Variants in PC observed in about 807,000 individuals in gnomAD.
The protein encoded by PC is pyruvate carboxylase.
Under a neutral mutation model 107.8 loss-of-function variants are expected in PC, and 46 were observed. That is an observed-to-expected ratio of 0.43 (90% CI 0.34 to 0.55). PC has a LOEUF of 0.55. Ranked by LOEUF, PC falls within the 20% of genes least tolerant of loss-of-function variation. PC has a pLI of 0.04. For synonymous variants in PC, 662 were observed against 684.7 expected, an observed-to-expected ratio of 0.97 and a Z score of 0.52; for missense variants, 1,241 against 1,643.1, an observed-to-expected ratio of 0.76 and a Z score of 4.23.
In PC at chr11:66,953,774, T is replaced by C. The variant is rs191107859; in HGVS notation, c.-40+475A>G. On this transcript the variant is annotated intron_variant, in intron 2 of 22. Transcript: ENST00000393960. Reference sequence around the variant, plus strand: ...AGGGGCTGGTTAAAAGAAGCAAAAATGGGATGGCACGTGAGAGGGACTCCA... The same window carrying C: ...AGGGGCTGGTTAAAAGAAGCAAAAACGGGATGGCACGTGAGAGGGACTCCA... 2.7e-4 allele frequency among the ~76,000 whole-genome samples: 41 copies of C among 152,186 alleles called. No homozygotes were observed. In the South Asian group the frequency reaches 4.6e-3, roughly 17 times the overall value.
chr11:66,928,612 G>A (rs1463887105), intron 3 of PC, among the ~76,000 whole-genome samples: 8 of 151,940 alleles, frequency 5.3e-5, no homozygotes, highest in Admixed American at 2.6e-4. Context: ...TGCAACCTCC[G>A]CCTCCCAGGT....
In PC at chr11:66,870,776, C is replaced by T; in HGVS notation, c.750G>A (p.Leu250=). The part of the protein sequence containing the change: ...EKPRHIEVQI[L]GDQYGNILHL... ...AGGCGGGGCGTCAGGACCACTCACC[C>T]AAGATCTGCACCTCGATGTGCCGTG... Residue 250 remains leucine, a splice_region_variant and synonymous_variant, in exon 8 of 23, where the codon TTG becomes TTA. Coordinates refer to ENST00000393960, the MANE Select transcript of PC (RefSeq NM_001040716.2). This position sits in a 1 kb window ranked among gnomAD's most constrained non-coding sequence, Gnocchi z 6.1. 6.2e-7 allele frequency: 1 copy of T among 1,612,184 alleles called. No individual in the cohort carries two copies. Among genetic ancestry groups the T allele is most frequent in the Non-Finnish European group, 8.5e-7 (1 of 1,179,740 alleles).
In PC at chr11:66,850,390, A is replaced by C. The variant is rs757044335; in HGVS notation, c.2548T>G (p.Cys850Gly). The C allele has an allele frequency of 1.1e-5, 18 of 1,613,930 alleles. No individual in the cohort carries two copies. The highest frequency in any genetic ancestry group is 3.3e-4 in the Middle Eastern group (2 of 6,084). Residue 850 changes from cysteine (C) to glycine (G), a missense_variant, in exon 19 of 23, where the codon TGC becomes GGC. By Grantham distance (159) the Cys-to-Gly change is radical. Transcript: ENST00000393960. ...TTGCCAGACTTCATGGTGGCCGTGC[A>C]GTCGAAGGCCGCGTACAGTCCCCGA... ...GARGLYAAFD[C>G]TATMKSGNSD...
At chr11:66,884,497 C>T (rs1947292972) in intron 3 of PC, among the ~76,000 whole-genome samples, 1 of 152,094 alleles carries the variant, frequency 6.6e-6, no homozygotes, top group African/African-American at 2.4e-5. Context: ...AAGGCTTGGC[C>T]CCTCCTGGGA....
intron 2 of PC, among the ~76,000 whole-genome samples, chr11:66,953,172 T>C (rs1949479625): frequency 6.6e-6 from 1 of 152,188 alleles, no homozygotes; most frequent in Non-Finnish European, 1.5e-5. Flanking sequence ...CAAGAAGTTC[T>C]AGAAACAGTT....
intron 3 of PC, among the ~76,000 whole-genome samples, chr11:66,910,660 T>A (rs1948310094): frequency 6.6e-6 from 1 of 152,176 alleles, no homozygotes; most frequent in Admixed American, 6.5e-5. Context: ...AGAATAAGGC[T>A]GCAGGGCAGG....
intron 3 of PC, among the ~76,000 whole-genome samples, chr11:66,876,134 A>G (rs749135289): frequency 2.0e-5 from 3 of 152,232 alleles, no homozygotes; most frequent in Non-Finnish European, 4.4e-5. Context: ...TCTATTGCTA[A>G]GAGGACATCA....
chr11:66,877,325 G>T (rs1947018265), intron 3 of PC, among the ~76,000 whole-genome samples: 1 of 152,174 alleles, frequency 6.6e-6, no homozygotes, highest in Non-Finnish European at 1.5e-5. Flanking sequence ...GGCGGAAGTT[G>T]CAGTGAGCCG....
chr11:66,858,685 G>T lies in PC; in HGVS notation c.1368+5089C>A. On this transcript the variant is annotated intron_variant, in intron 12 of 22. Transcript: ENST00000393960. This position sits in a 1 kb window ranked among gnomAD's most constrained non-coding sequence, Gnocchi z 5.9. ...GGTGACCCCGCGCCTACCATGCACT[G>T]GGTCGGTCCTGACGACCGGTTGGTT... 6.5e-7 allele frequency: 1 copy of T among 1,546,928 alleles called. No homozygotes were observed.
intron 3 of PC, among the ~76,000 whole-genome samples, chr11:66,890,420 G>A (rs1236975312): frequency 6.9e-6 from 1 of 145,454 alleles, no homozygotes; most frequent in Admixed American, 6.8e-5. Context: ...TTGAGATGGA[G>A]TTTCACTCTT....
chr11:66,910,916 G>T (rs1948316444), intron 3 of PC, among the ~76,000 whole-genome samples: 1 of 152,190 alleles, frequency 6.6e-6, no homozygotes, highest in South Asian at 2.1e-4. Context: ...TGGGAACTGT[G>T]TTTAATTGCA....
intron 12 of PC, chr11:66,856,612 G>A (rs1218620034): frequency 6.6e-6 from 1 of 152,666 alleles, no homozygotes; most frequent in Non-Finnish European, 1.5e-5. Context: ...CCCAGCAACA[G>A]TGCGGGTTTG....
At chr11:66,859,198 C>G in intron 12 of PC, 2 of 1,344,402 alleles carry the variant, frequency 1.5e-6, no homozygotes, top group Non-Finnish European at 2.0e-6. Flanking sequence ...GGGGCTGACA[C>G]CCCCTCCCCG....
intron 3 of PC, among the ~76,000 whole-genome samples, chr11:66,910,644 T>C (rs1948309786): frequency 6.6e-6 from 1 of 152,120 alleles, no homozygotes; most frequent in Non-Finnish European, 1.5e-5. Flanking sequence ...CAGAGTTAAT[T>C]GTCAAAGAAT....
intron 3 of PC, among the ~76,000 whole-genome samples, chr11:66,949,166 G>A (rs925849472): frequency 3.3e-5 from 5 of 150,608 alleles, no homozygotes; most frequent in African/African-American, 9.7e-5. Flanking sequence ...GCTAATTTTT[G>A]TATTTTTAGT....
rs752901945 is a variant in PC at position 66,852,592 on chromosome 11, G to A, written c.1672C>T (p.Arg558Trp). The change falls in exon 15 of 23, where the codon CGG (arginine) becomes TGG (tryptophan). Residue 558 changes from arginine (R) to tryptophan (W), a missense_variant. Transcript: ENST00000393960. This position sits in a 1 kb window ranked among gnomAD's most constrained non-coding sequence, Gnocchi z 4.7. The part of the protein sequence containing the change: ...EGPEGFARAV[R>W]NHPGLLLMDT... ...ATCAGCAGCAGCCCCGGGTGGTTCC[G>A]CACAGCTCGAGCAAAGCCCTCAGGC... 2.5e-6 allele frequency: 4 copies of A among 1,613,984 alleles called. No individual in the cohort carries two copies. The highest frequency in any genetic ancestry group is 3.4e-6 in the Non-Finnish European group (4 of 1,180,018).
At position 66,852,769 on chromosome 11, in the gene PC, G is replaced by A. The variant is rs570919766; in HGVS notation, c.1581C>T (p.Pro527=). The A allele has an allele frequency of 2.9e-5, 46 of 1,604,438 alleles. No individual in the cohort carries two copies. Among genetic ancestry groups the A allele is most frequent in the East Asian group, 9.0e-5 (4 of 44,634 alleles). Residue 527 remains proline, a synonymous_variant, in exon 14 of 23, where the codon CCC becomes CCT. Coordinates refer to ENST00000393960, the MANE Select transcript of PC (RefSeq NM_001040716.2). This position sits in a 1 kb window ranked among gnomAD's most constrained non-coding sequence, Gnocchi z 4.7. ...TACCTATGGGCACTGCAGGGACAACGGGGTCCGTGGGGCTGGGGCTGGCCT... is the reference window on the plus strand; with the variant it reads ...TACCTATGGGCACTGCAGGGACAACAGGGTCCGTGGGGCTGGGGCTGGCCT... The part of the protein sequence containing the change: ...PVKASPSPTD[P]VVPAVPIGPP...
At chr11:66,929,509 G>A (rs535876553) in intron 3 of PC, among the ~76,000 whole-genome samples, 10 of 152,202 alleles carry the variant, frequency 6.6e-5, no homozygotes, top group Non-Finnish European at 1.2e-4. Flanking sequence ...TGGGACCACA[G>A]GTGTATGCCA....
At position 66,852,902 on chromosome 11, in the gene PC, G is replaced by T; in HGVS notation, c.1514-66C>A. On this transcript the variant is annotated intron_variant, in intron 13 of 22. Transcript: ENST00000393960. The surrounding 1 kb of genome is among the most constrained non-coding windows in gnomAD (Gnocchi z 4.7). ...GAGGCTGAGTCGAGGGCAGCAGTGA[G>T]AGTGGCTGGGCTCAGGGACAGGGAC... 8.2e-7 allele frequency: 1 copy of T among 1,213,426 alleles called. No homozygotes were observed. The highest frequency in any genetic ancestry group is 1.2e-6 in the Non-Finnish European group (1 of 856,166). The allele number at this position is 1,213,426 out of a possible 1,614,324, so 75.2% of individuals were successfully genotyped here.
Sources: gnomAD v4.1 joint callset for allele counts (sites outside exome capture counted in the v4.1 genomes callset) on GRCh38, gnomAD v4.1.1 for gene constraint, Gnocchi (gnomAD v3.1) non-coding constraint, MANE v1.5 for transcripts, NCBI Gene and HGNC (gene_info 2026-07-23, HGNC 2026-07-21) for gene names.